Variants in KCND2 observed in about 807,000 individuals in gnomAD.
KCND2 encodes the protein A-type voltage-gated potassium channel KCND2.
In KCND2, 16 loss-of-function variants were observed where a neutral mutation model predicts 54.4. The observed-to-expected ratio is 0.29, with a 90% CI of 0.20 to 0.45. The LOEUF (loss-of-function observed/expected upper bound fraction) is 0.45. KCND2 is among the 20% of genes least tolerant of loss of function. The pLI is 1.00. For synonymous variants in KCND2, 317 were observed against 310.7 expected, an observed-to-expected ratio of 1.02 and a Z score of -0.21; for missense variants, 486 against 824.2, an observed-to-expected ratio of 0.59 and a Z score of 5.02.
intron 1 of KCND2, among the ~76,000 whole-genome samples, chr7:120,279,573 A>T (rs151220093): frequency 1.2e-4 from 19 of 152,076 alleles, no homozygotes; most frequent in Non-Finnish European, 1.9e-4. Flanking sequence ...GAAAGTAAAA[A>T]TTTAATTTGT....
At chr7:120,690,010 C>G (rs1792250127) in intron 1 of KCND2, among the ~76,000 whole-genome samples, 1 of 152,182 alleles carries the variant, frequency 6.6e-6, no homozygotes, top group Admixed American at 6.5e-5. Context: ...AGCAATTCTC[C>G]TGGACCCTTT....
intron 1 of KCND2, among the ~76,000 whole-genome samples, chr7:120,458,388 T>C (rs1035508034): frequency 3.9e-5 from 6 of 152,194 alleles, no homozygotes; most frequent in Non-Finnish European, 8.8e-5. Flanking sequence ...CAAGACTCAA[T>C]AGATGAGAGA....
chr7:120,484,595 A>G (rs896214730), intron 1 of KCND2, among the ~76,000 whole-genome samples: 5 of 151,592 alleles, frequency 3.3e-5, no homozygotes, highest in Admixed American at 2.0e-4. Flanking sequence ...ACTAAAAGTA[A>G]AGCTACCAAA....
intron 1 of KCND2, among the ~76,000 whole-genome samples, chr7:120,506,030 C>G (rs1323055716): frequency 1.3e-5 from 2 of 151,524 alleles, no homozygotes; most frequent in Non-Finnish European, 3.0e-5. Context: ...TCTTCCAATA[C>G]TTTAAACTGT....
At chr7:120,281,411 G>T (rs1799260498) in intron 1 of KCND2, among the ~76,000 whole-genome samples, 1 of 119,764 alleles carries the variant, frequency 8.3e-6, no homozygotes, top group African/African-American at 2.9e-5. Context: ...GATGATGTGG[G>T]ATAGCGTCTG....
At chr7:120,538,012 C>T (rs1328999832) in intron 1 of KCND2, among the ~76,000 whole-genome samples, 1 of 152,148 alleles carries the variant, frequency 6.6e-6, no homozygotes, top group Non-Finnish European at 1.5e-5. Context: ...CTGTTTTGGG[C>T]AAGAGGCCTA....
At chr7:120,489,334 C>T (rs536587797) in intron 1 of KCND2, among the ~76,000 whole-genome samples, 1 of 151,902 alleles carries the variant, frequency 6.6e-6, no homozygotes. Context: ...ATATGTAATA[C>T]ATATACAATA....
intron 1 of KCND2, among the ~76,000 whole-genome samples, chr7:120,356,534 A>G (rs773948420): frequency 1.6e-4 from 25 of 152,172 alleles, no homozygotes; most frequent in Admixed American, 3.3e-4. Context: ...TCCTGTAACC[A>G]TGATTTAATT....
intron 1 of KCND2, among the ~76,000 whole-genome samples, chr7:120,698,356 A>C (rs1323931303): frequency 6.6e-6 from 1 of 152,216 alleles, no homozygotes; most frequent in Non-Finnish European, 1.5e-5. Flanking sequence ...TTTAAGCTCA[A>C]TTGCTTGCTA....
At chr7:120,692,979 G>A (rs1052023115) in intron 1 of KCND2, among the ~76,000 whole-genome samples, 1 of 152,144 alleles carries the variant, frequency 6.6e-6, no homozygotes, top group Non-Finnish European at 1.5e-5. Flanking sequence ...TTAATCAAAG[G>A]AAGAGTAAAC....
chr7:120,533,656 C>T (rs1329288021), intron 1 of KCND2, among the ~76,000 whole-genome samples: 2 of 152,024 alleles, frequency 1.3e-5, no homozygotes, highest in Non-Finnish European at 2.9e-5. Flanking sequence ...CAAAGTACTG[C>T]TGGTCATATT....
At chr7:120,462,469 A>G (rs1258528535) in intron 1 of KCND2, among the ~76,000 whole-genome samples, 2 of 152,022 alleles carry the variant, frequency 1.3e-5, no homozygotes, top group Non-Finnish European at 2.9e-5. Context: ...AAGCATATTA[A>G]AGAGCACAGA....
intron 1 of KCND2, among the ~76,000 whole-genome samples, chr7:120,706,680 G>A (rs1334383359): frequency 6.6e-6 from 1 of 152,122 alleles, no homozygotes; most frequent in Non-Finnish European, 1.5e-5. Context: ...GTGAATATTT[G>A]CTTGAAATTA....
Position 120,743,631 on chromosome 7 carries a change from G to T in KCND2, c.1467+1029G>T, listed in dbSNP as rs375617675. Among the ~76,000 whole-genome samples the T allele has an allele frequency of 2.6e-5, 4 of 152,112 alleles. No individual in the cohort carries two copies. In the East Asian group the frequency reaches 5.8e-4, roughly 22 times the overall value. On this transcript the variant is annotated intron_variant, in intron 4 of 5. Transcript: ENST00000331113. ...GAGGAACTTGAGTGGAGACCTGCAG[G>T]GTGACTAGGAGTTAGCTAGGCAGAG... is the stretch of plus-strand genomic sequence containing the variant.
chr7:120,335,435 C>CTTTATTTA (rs1283666905), intron 1 of KCND2, among the ~76,000 whole-genome samples: 1 of 141,146 alleles, frequency 7.1e-6, no homozygotes, highest in African/African-American at 2.7e-5. Context: ...CCATGGCTTG[C>CTTTATTTA]TTTATTTATT....
At chr7:120,486,748 T>A (rs532820116) in intron 1 of KCND2, among the ~76,000 whole-genome samples, 1 of 151,870 alleles carries the variant, frequency 6.6e-6, no homozygotes, top group African/African-American at 2.4e-5. Flanking sequence ...TTACAGTAAT[T>A]GAGACAATGC....
At chr7:120,392,932 A>G (rs769497789) in intron 1 of KCND2, among the ~76,000 whole-genome samples, 1 of 152,058 alleles carries the variant, frequency 6.6e-6, no homozygotes, top group Non-Finnish European at 1.5e-5. Flanking sequence ...TTAAGAATAT[A>G]TATTTAAAAC....
At chr7:120,579,917 A>G (rs1792493884) in intron 1 of KCND2, among the ~76,000 whole-genome samples, 1 of 152,174 alleles carries the variant, frequency 6.6e-6, no homozygotes. Flanking sequence ...TGCATAGAGC[A>G]TATGTTGGAG....
At chr7:120,598,593 T>C (rs995374417) in intron 1 of KCND2, among the ~76,000 whole-genome samples, 3 of 151,986 alleles carry the variant, frequency 2.0e-5, no homozygotes, top group Admixed American at 6.6e-5. Context: ...GCGGGTGGCA[T>C]TGGTTTGTTT....
Sources: gnomAD v4.1 joint callset for allele counts (sites outside exome capture counted in the v4.1 genomes callset) on GRCh38, gnomAD v4.1.1 for gene constraint, MANE v1.5 for transcripts, NCBI Gene and HGNC (gene_info 2026-07-23, HGNC 2026-07-21) for gene names.